Variants in FRMPD3 observed in about 807,000 individuals in gnomAD.
FRMPD3 encodes the protein FERM and PDZ domain-containing protein 3.
Under a neutral mutation model 97.9 loss-of-function variants are expected in FRMPD3, and 42 were observed. The ratio of observed to expected loss-of-function variants is 0.43; its 90% CI spans 0.34 to 0.55. The LOEUF (loss-of-function observed/expected upper bound fraction) is 0.55. FRMPD3 is among the 20% of genes least tolerant of loss of function. The pLI is 0.03. For missense variants in FRMPD3, 1,303 were observed against 1,457.7 expected, an observed-to-expected ratio of 0.89 and a Z score of 1.73; for synonymous variants, 577 against 581.1, an observed-to-expected ratio of 0.99 and a Z score of 0.10.
Position 107,576,427 on chromosome X carries a change from G to A in FRMPD3, c.1409G>A (p.Ser470Asn), listed in dbSNP as rs1569425756. Residue 470 changes from serine to asparagine, a missense_variant, in exon 13 of 15, where the codon AGC becomes AAC. Around this residue, in one of 3 missense-constraint regions of FRMPD3, gnomAD observed 535 missense variants for 618.6 expected, o/e 0.86. Coordinates refer to ENST00000683843, the MANE Select transcript of FRMPD3 (RefSeq NM_001388459.1). ...AAGATGGTCTTCTCCAGGCCTGCCA[G>A]CCAGCCACTTCCACCTCCAATGATC... ...SRKMVFSRPASQPLPPPMIKA... is the reference protein window; with the variant it reads ...SRKMVFSRPANQPLPPPMIKA... 1 of 1,210,809 alleles carries A rather than the reference G, an allele frequency of 8.3e-7. No homozygotes were observed. Among genetic ancestry groups the A allele is most frequent in the Non-Finnish European group, 1.1e-6 (1 of 895,411 alleles).
intron 1 of FRMPD3, among the ~76,000 whole-genome samples, chrX:107,451,778 A>G (rs1297209117): frequency 8.9e-6 from 1 of 112,183 alleles, no homozygotes; most frequent in Admixed American, 9.4e-5. Context: ...ATAAGGCATA[A>G]TGTATTGTGG....
chrX:107,513,756 G>A (rs1922227490), intron 1 of FRMPD3, among the ~76,000 whole-genome samples: 1 of 112,201 alleles, frequency 8.9e-6, no homozygotes, highest in Non-Finnish European at 1.9e-5. Context: ...ATTCTAATCT[G>A]TATGCCTCAA....
intron 11 of FRMPD3, among the ~76,000 whole-genome samples, chrX:107,563,571 G>A (rs1312327112): frequency 8.9e-6 from 1 of 112,739 alleles, no homozygotes; most frequent in Non-Finnish European, 1.9e-5. Flanking sequence ...ACAAATGGGT[G>A]TGGCTGTTTA....
intron 1 of FRMPD3, among the ~76,000 whole-genome samples, chrX:107,479,369 A>T (rs1293793681): frequency 8.9e-6 from 1 of 112,104 alleles, no homozygotes; most frequent in Non-Finnish European, 1.9e-5. Flanking sequence ...AACTTTTAAG[A>T]TCATCTAATA....
At chrX:107,556,692 T>A (rs1922098300) in intron 8 of FRMPD3, among the ~76,000 whole-genome samples, 1 of 112,078 alleles carries the variant, frequency 8.9e-6, no homozygotes, top group African/African-American at 3.2e-5. Flanking sequence ...CTTTTTAGAG[T>A]TATATAGAAA....
At position 107,601,880 on chromosome X, in the gene FRMPD3, C is replaced by T. The variant is rs752598751; in HGVS notation, c.3841C>T (p.Arg1281Cys). 8.3e-6 allele frequency: 10 copies of T among 1,206,084 alleles called. No homozygotes were observed. Among genetic ancestry groups the T allele is most frequent in the South Asian group, 3.6e-5 (2 of 56,113 alleles). ...ACCTGGCCGCTGCAGCTGCCAGCTC[C>T]GCAGCAGCCCTGTGCAGCAGGGGCC... ...PAPGRCSCQL[R>C]SSPVQQGPGM... Residue 1281 changes from arginine (R) to cysteine (C), a missense_variant, in exon 15 of 15, where the codon CGC becomes TGC. Physicochemically the swap from Arg to Cys is radical, Grantham distance 180 (BLOSUM62 -3). This residue lies in a region of FRMPD3 where 764 missense variants were observed against 820.2 expected (regional missense o/e 0.93). Coordinates refer to ENST00000683843, the MANE Select transcript of FRMPD3 (RefSeq NM_001388459.1).
chrX:107,560,509 A>G, intron 9 of FRMPD3, 116 bp downstream of exon 9: 14 of 983,281 alleles, frequency 1.4e-5, no homozygotes, highest in Non-Finnish European at 1.8e-5. Context: ...GGGAGTGAGA[A>G]TTGGAGTCCC....
At chrX:107,530,659 C>T in intron 3 of FRMPD3, 148 bp downstream of exon 3, 1 of 446,183 alleles carries the variant, frequency 2.2e-6, no homozygotes, top group East Asian at 3.8e-5. Context: ...TAACCCAGAA[C>T]TTCAGGGGCC....
chrX:107,461,341 C>G (rs1254274559), intron 1 of FRMPD3, among the ~76,000 whole-genome samples: 1 of 111,476 alleles, frequency 9.0e-6, no homozygotes, highest in African/African-American at 3.3e-5. Flanking sequence ...GGCTGTATCT[C>G]TCTATCAATG....
chrX:107,567,131 G>C (rs1922637844), intron 12 of FRMPD3, among the ~76,000 whole-genome samples: 1 of 111,333 alleles, frequency 9.0e-6, no homozygotes, highest in African/African-American at 3.3e-5. Flanking sequence ...TATCTCAAAA[G>C]GTTTTTATCA....
At chrX:107,494,629 T>G (rs1266968222) in intron 1 of FRMPD3, among the ~76,000 whole-genome samples, 1 of 111,932 alleles carries the variant, frequency 8.9e-6, no homozygotes, top group Non-Finnish European at 1.9e-5. Flanking sequence ...TCTTGAGCAG[T>G]TATTAAGTGC....
At chrX:107,523,318 T>A (rs908021833) in intron 1 of FRMPD3, among the ~76,000 whole-genome samples, 21 of 111,784 alleles carry the variant, frequency 1.9e-4, no homozygotes, top group African/African-American at 5.9e-4. Flanking sequence ...GGGCAGTTAG[T>A]CCAGCTCAGT....
Position 107,563,722 on chromosome X carries a change from G to A in FRMPD3, c.1116+522G>A, listed in dbSNP as rs186115631. On this transcript the variant is annotated intron_variant, in intron 11 of 14. Coordinates refer to ENST00000683843, the MANE Select transcript of FRMPD3 (RefSeq NM_001388459.1). The stretch of plus-strand genomic sequence containing the variant: ...GCTCCTGGGCCATAAAAAATAGGTG[G>A]TGGGTGGTATTTGGCCCATGGGCCA... 2.7e-5 allele frequency among the ~76,000 whole-genome samples: 3 copies of A among 112,428 alleles called. No homozygotes were observed. In the East Asian group the frequency reaches 8.4e-4, roughly 31 times the overall value.
chrX:107,514,708 T>C (rs1327912620), intron 1 of FRMPD3, among the ~76,000 whole-genome samples: 1 of 110,146 alleles, frequency 9.1e-6, no homozygotes, highest in African/African-American at 3.3e-5. Flanking sequence ...GTATTTTTAG[T>C]AGAGACAGGG....
chrX:107,454,310 T>A (rs1292079620), intron 1 of FRMPD3, among the ~76,000 whole-genome samples: 4 of 111,548 alleles, frequency 3.6e-5, no homozygotes, highest in Non-Finnish European at 7.5e-5. Flanking sequence ...TTCTCACCTC[T>A]TTACCAACCA....
chrX:107,493,568 C>T (rs1053931347), intron 1 of FRMPD3, among the ~76,000 whole-genome samples: 1 of 112,191 alleles, frequency 8.9e-6, no homozygotes, highest in Non-Finnish European at 1.9e-5. Context: ...TTCGGTTAAG[C>T]TGTAATTGTT....
chrX:107,478,939 G>A (rs997846428), intron 1 of FRMPD3, among the ~76,000 whole-genome samples: 14 of 111,199 alleles, frequency 1.3e-4, no homozygotes, highest in Admixed American at 1.0e-3. Context: ...AGGCTGCTCG[G>A]CACCCCACTA....
intron 1 of FRMPD3, among the ~76,000 whole-genome samples, chrX:107,515,349 A>G (rs991878381): frequency 1.8e-5 from 2 of 111,554 alleles, no homozygotes; most frequent in Non-Finnish European, 3.8e-5. Context: ...CCTAGAAGCC[A>G]GGAGAGGAGA....
chrX:107,589,238 T>G (rs978877405), intron 13 of FRMPD3, among the ~76,000 whole-genome samples: 6 of 110,871 alleles, frequency 5.4e-5, no homozygotes, highest in Admixed American at 4.8e-4. Flanking sequence ...CTTTGAAGCC[T>G]CAAAGACCCT....
Sources: allele counts gnomAD v4.1 joint callset (sites outside exome capture counted in the v4.1 genomes callset), GRCh38; gene constraint gnomAD v4.1.1; regional missense constraint gnomAD v4.1.1; transcripts MANE v1.5; gene names NCBI Gene and HGNC (gene_info 2026-07-23, HGNC 2026-07-21).